Variants in TOPBP1 observed in about 807,000 individuals in gnomAD.
TOPBP1 encodes DNA topoisomerase II binding protein 1, also known as DNA topoisomerase 2-binding protein 1.
In TOPBP1, 28 loss-of-function variants were observed where a neutral mutation model predicts 167.7. The observed-to-expected ratio is 0.17, with a 90% confidence interval of 0.12 to 0.23. The LOEUF (loss-of-function observed/expected upper bound fraction) is 0.23, where lower values mean the gene tolerates loss of function less well. Among genes scored for constraint, TOPBP1 ranks in the 10% least tolerant of loss-of-function variants. The pLI is 1.00. For synonymous variants in TOPBP1, 598 were observed against 611.4 expected, an observed-to-expected ratio of 0.98 and a Z score of 0.32; for missense variants, 1,554 against 1,809.6, an observed-to-expected ratio of 0.86 and a Z score of 2.56.
At chr3:133,628,157 T>G in intron 16 of TOPBP1, 1 of 537,232 alleles carries the variant, frequency 1.9e-6, no homozygotes. Context: ...CCCTAAAAAA[T>G]ATACATTATA....
intron 25 of TOPBP1, 37 bp downstream of exon 25, chr3:133,610,966 AT>A (rs773586307): frequency 1.1e-4 from 175 of 1,531,134 alleles, no homozygotes; most frequent in Non-Finnish European, 1.5e-4. Flanking sequence ...ACAATATTGA[AT>A]GCTATTTGTA....
intron 5 of TOPBP1, among the ~76,000 whole-genome samples, chr3:133,656,469 T>C (rs984042419): frequency 2.0e-5 from 3 of 152,246 alleles, no homozygotes; most frequent in Admixed American, 6.5e-5. Flanking sequence ...CTGTAGCTAA[T>C]GCTAAACCCT....
intron 21 of TOPBP1, among the ~76,000 whole-genome samples, chr3:133,617,957 G>A: frequency 6.6e-6 from 1 of 152,022 alleles, no homozygotes; most frequent in East Asian, 1.9e-4. Context: ...AAAGAACAAT[G>A]GTAGACACCA....
intron 12 of TOPBP1, 129 bp from the exon 13 acceptor site, chr3:133,640,299 G>A (rs1299844455): frequency 3.8e-6 from 3 of 790,544 alleles, no homozygotes; most frequent in Non-Finnish European, 5.9e-6. Context: ...ATTAAAAGTT[G>A]GTTTACTCTA....
chr3:133,626,334 C>T (rs1935265717), intron 16 of TOPBP1, among the ~76,000 whole-genome samples: 1 of 152,110 alleles, frequency 6.6e-6, no homozygotes, highest in Non-Finnish European at 1.5e-5. Context: ...TTGGTTGTTA[C>T]AATGTGTGTT....
intron 10 of TOPBP1, among the ~76,000 whole-genome samples, chr3:133,647,207 C>A (rs1936105676): frequency 6.6e-6 from 1 of 152,178 alleles, no homozygotes; most frequent in South Asian, 2.1e-4. Flanking sequence ...CAAGGGGAAA[C>A]AACATCTCTC....
At chr3:133,618,064 G>A (rs1243283615) in intron 21 of TOPBP1, 149 bp downstream of exon 21, 4 of 626,220 alleles carry the variant, frequency 6.4e-6, no homozygotes, top group Admixed American at 6.0e-5. Context: ...TATTTTTCTG[G>A]CTCAAGTTTA....
At chr3:133,621,685 T>C (rs1375485609) in intron 19 of TOPBP1, among the ~76,000 whole-genome samples, 1 of 152,230 alleles carries the variant, frequency 6.6e-6, no homozygotes. Flanking sequence ...GTATTTACCT[T>C]TGGTTTTCTT....
intron 4 of TOPBP1, 140 bp downstream of exon 4, chr3:133,657,658 C>G: frequency 1.9e-6 from 1 of 525,320 alleles, no homozygotes; most frequent in Admixed American, 4.3e-5. Context: ...CATATATACA[C>G]ACTGTGGTTG....
At chr3:133,632,494 A>T (rs1246538921) in intron 14 of TOPBP1, among the ~76,000 whole-genome samples, 1 of 152,200 alleles carries the variant, frequency 6.6e-6, no homozygotes, top group African/African-American at 2.4e-5. Flanking sequence ...ACCTTTATAG[A>T]TCTTGACAAT....
At chr3:133,625,496 G>A (rs1193975249) in intron 16 of TOPBP1, among the ~76,000 whole-genome samples, 1 of 152,120 alleles carries the variant, frequency 6.6e-6, no homozygotes, top group Non-Finnish European at 1.5e-5. Flanking sequence ...ACTTTGGGAG[G>A]CCAAGGCAGG....
intron 14 of TOPBP1, among the ~76,000 whole-genome samples, chr3:133,629,056 A>C (rs1935372199): frequency 6.6e-6 from 1 of 152,188 alleles, no homozygotes; most frequent in Non-Finnish European, 1.5e-5. Context: ...ATTTGAAAAC[A>C]AAACAAACCA....
chr3:133,661,221 C>T, intron 1 of TOPBP1, 87 bp from the exon 2 acceptor site: 1 of 947,310 alleles, frequency 1.1e-6, no homozygotes, highest in Non-Finnish European at 1.5e-6. Flanking sequence ...TCTGTGCAGA[C>T]AAGAATGCCT....
intron 9 of TOPBP1, 66 bp downstream of exon 9, chr3:133,649,714 C>T (rs972444915): frequency 1.1e-5 from 17 of 1,583,852 alleles, no homozygotes; most frequent in Non-Finnish European, 1.5e-5. Context: ...TCCAGAACTG[C>T]GTGGATATGC....
chr3:133,620,204 T>C lies in TOPBP1; in HGVS notation c.3322A>G (p.Ser1108Gly), dbSNP rs1310452985. 6 of 1,613,812 alleles carry C rather than the reference T, an allele frequency of 3.7e-6. No homozygotes were observed. The highest frequency in any genetic ancestry group is 5.1e-6 in the Non-Finnish European group (6 of 1,179,870). Residue 1108 changes from serine to glycine, a missense_variant, in exon 20 of 28, where the codon AGC becomes GGC. Ser to Gly is a moderately conservative substitution (Grantham distance 56, BLOSUM62 0). This residue lies in a region of TOPBP1 where 1,197 missense variants were observed against 1,351.5 expected (regional missense o/e 0.89). Coordinates refer to ENST00000260810, the MANE Select transcript of TOPBP1 (RefSeq NM_007027.4). ...GCNSASSTPD[S>G]TRSARSGRSR... Reference sequence around the variant, plus strand: ...CGTCCACTGCGAGCAGAGCGAGTGCTGTCAGGGGTTGAAGATGCGCTGTTA... The same window carrying C: ...CGTCCACTGCGAGCAGAGCGAGTGCCGTCAGGGGTTGAAGATGCGCTGTTA...
At chr3:133,605,346 T>C (rs1419365458) in intron 27 of TOPBP1, among the ~76,000 whole-genome samples, 1 of 148,940 alleles carries the variant, frequency 6.7e-6, no homozygotes, top group East Asian at 2.0e-4. Context: ...GACAAAAACA[T>C]TACAAAACAA....
intron 13 of TOPBP1, among the ~76,000 whole-genome samples, chr3:133,638,403 T>C (rs1332057875): frequency 2.0e-5 from 3 of 152,184 alleles, no homozygotes; most frequent in Non-Finnish European, 4.4e-5. Context: ...ATGCATTAAA[T>C]ATATGTTGAG....
rs1459981053 is a variant in TOPBP1 at position 133,636,446 on chromosome 3, T to G, written c.2520+1430A>C. On this transcript the variant is annotated intron_variant, in intron 14 of 27. Coordinates refer to ENST00000260810, the MANE Select transcript of TOPBP1 (RefSeq NM_007027.4). ...ATTATAGATGAAGCATTATAATGCT[T>G]ATAAGATTATAAGATGAAGCATTAT... Among the ~76,000 whole-genome samples the G allele has an allele frequency of 2.6e-5, 4 of 152,026 alleles. No homozygotes were observed. The East Asian group carries it at 5.8e-4, about 22-fold the overall frequency.
chr3:133,615,903 G>A (rs995230164), intron 23 of TOPBP1, among the ~76,000 whole-genome samples: 1 of 152,068 alleles, frequency 6.6e-6, no homozygotes, highest in Admixed American at 6.6e-5. Context: ...AATGCACCCA[G>A]CCTCTTTTTA....
Sources: allele counts gnomAD v4.1 joint callset (sites outside exome capture counted in the v4.1 genomes callset), GRCh38; gene constraint gnomAD v4.1.1; regional missense constraint gnomAD v4.1.1; transcripts MANE v1.5; gene names NCBI Gene and HGNC (gene_info 2026-07-23, HGNC 2026-07-21).